Variants in NUP93 observed in about 807,000 individuals in gnomAD.
The protein encoded by NUP93 is nucleoporin 93.
Under a neutral mutation model 107.8 loss-of-function variants are expected in NUP93, and 55 were observed. That is an observed-to-expected ratio of 0.51 (90% confidence interval 0.41 to 0.64). The LOEUF is 0.64. Among genes scored for constraint, NUP93 ranks in the 30% least tolerant of loss-of-function variants. The pLI, the probability that NUP93 is intolerant of heterozygous loss-of-function variation, is 0.00. For synonymous variants in NUP93, 390 were observed against 397.5 expected, an observed-to-expected ratio of 0.98 and a Z score of 0.22; for missense variants, 937 against 1,044.7, an observed-to-expected ratio of 0.90 and a Z score of 1.42.
rs200075593 is a variant in NUP93 at position 56,832,249 on chromosome 16, C to T, written c.1252-46C>T. On this transcript the variant is annotated intron_variant, in intron 11 of 21. Coordinates refer to ENST00000308159, the MANE Select transcript of NUP93 (RefSeq NM_014669.5). ...CAGCTACAACTCTGTGCATGTGGCT[C>T]AGGGTGTCATTTGTACCAATGCATG... The T allele has an allele frequency of 3.9e-5, 59 of 1,497,110 alleles. No homozygotes were observed. The Admixed American group carries it at 9.5e-4, about 24-fold the overall frequency. The allele number at this position is 1,497,110 out of a possible 1,614,324, so 92.7% of individuals were successfully genotyped here. A position where few individuals can be genotyped will look rare whatever the true frequency, so the allele number is the denominator to read the frequency against.
At chr16:56,819,469 C>T (rs1487130284) in intron 6 of NUP93, among the ~76,000 whole-genome samples, 1 of 152,232 alleles carries the variant, frequency 6.6e-6, no homozygotes, top group Non-Finnish European at 1.5e-5. Context: ...TTAAGATTAT[C>T]CTCCACCAGC....
chr16:56,756,916 T>A (rs1380122046), intron 2 of NUP93, among the ~76,000 whole-genome samples: 4 of 152,226 alleles, frequency 2.6e-5, no homozygotes, highest in Admixed American at 2.0e-4. Flanking sequence ...TTTTTTCATA[T>A]GTTTGTTGGC....
intron 1 of NUP93, among the ~76,000 whole-genome samples, chr16:56,737,369 C>T (rs1459252657): frequency 1.3e-5 from 2 of 152,126 alleles, no homozygotes; most frequent in African/African-American, 4.8e-5. Context: ...AAGACCCCAC[C>T]CACGTCACCT....
At position 56,834,398 on chromosome 16, in the gene NUP93, A is replaced by T. The variant is rs1282662745; in HGVS notation, c.1693A>T (p.Met565Leu). 1 of 1,614,204 alleles carries T rather than the reference A, an allele frequency of 6.2e-7. No homozygotes were observed. Among genetic ancestry groups the T allele is most frequent in the East Asian group, 2.2e-5 (1 of 44,890 alleles). ...TGAGAAAGATAGTCAAGGAGAAAAC[A>T]TGTTTCTGCGCTGTGTGAGTGAGCT... Reference protein sequence around the residue: ...RDEKDSQGENMFLRCVSELVI... With the variant: ...RDEKDSQGENLFLRCVSELVI... The change falls in exon 15 of 22, where the codon ATG becomes TTG. Residue 565 changes from methionine to leucine, a missense_variant. Transcript: ENST00000308159.
intron 5 of NUP93, among the ~76,000 whole-genome samples, chr16:56,806,222 A>G (rs1379285892): frequency 6.6e-6 from 1 of 151,508 alleles, no homozygotes; most frequent in Non-Finnish European, 1.5e-5. Context: ...CAGACACCTC[A>G]GCCTCACTTT....
At chr16:56,804,039 C>T (rs1223493163) in intron 4 of NUP93, among the ~76,000 whole-genome samples, 2 of 152,088 alleles carry the variant, frequency 1.3e-5, no homozygotes, top group Non-Finnish European at 2.9e-5. Flanking sequence ...AGGGATGAGC[C>T]ACCACGTGTG....
chr16:56,731,003 A>T (rs563512246), intron 1 of NUP93, among the ~76,000 whole-genome samples: 22 of 152,142 alleles, frequency 1.4e-4, no homozygotes, highest in African/African-American at 5.3e-4. Context: ...TTTCCAGGGT[A>T]TGTGGGAGGG....
intron 2 of NUP93, among the ~76,000 whole-genome samples, chr16:56,749,711 C>T (rs1349328037): frequency 1.3e-5 from 2 of 152,126 alleles, no homozygotes; most frequent in East Asian, 1.9e-4. Flanking sequence ...GCTGCTCTGT[C>T]GAGTCAGTAA....
chr16:56,738,867 C>G (rs1961654749), intron 1 of NUP93, among the ~76,000 whole-genome samples: 1 of 150,916 alleles, frequency 6.6e-6, no homozygotes, highest in South Asian at 2.1e-4. Flanking sequence ...GAACACCATT[C>G]TTGTGTTTTA....
rs552203204 is a variant in NUP93, at chr16:56,738,197, C to T, written c.-15+7986C>T. Among the ~76,000 whole-genome samples the T allele has an allele frequency of 3.5e-4, 53 of 152,350 alleles. 1 individual carries two copies. In the South Asian group the frequency reaches 9.5e-3, roughly 27 times the overall value. ...CCTGAGCAACCCCCTCATCCAGAGA[C>T]GATCCAGCCCCAGGGTCAGAGGGCT... On this transcript the variant is annotated intron_variant, in intron 1 of 21. Coordinates refer to ENST00000308159, the MANE Select transcript of NUP93 (RefSeq NM_014669.5).
intron 3 of NUP93, among the ~76,000 whole-genome samples, chr16:56,773,883 T>G (rs1317707843): frequency 6.6e-6 from 1 of 152,248 alleles, no homozygotes; most frequent in African/African-American, 2.4e-5. Context: ...TTTAAGTGTT[T>G]GAGTCCATAA....
rs1964157003 is a variant in NUP93 at position 56,849,899 on chromosome 16, G to C, written c.*5290G>C. On this transcript the variant is annotated 3_prime_UTR_variant, in exon 22 of 22. Transcript: ENST00000308159. ...GCAGTTTTGAAGAGCTAGGCAGGCA[G>C]CTGAGCGGGATAATGTGGGCCCCAG... 6.6e-6 allele frequency: 1 copy of C among 152,216 alleles called. No homozygotes were observed. Among genetic ancestry groups the C allele is most frequent in the South Asian group, 2.1e-4 (1 of 4,832 alleles). 9.4% of individuals were successfully genotyped at this position (152,216 alleles called of 1,614,324 possible).
Position 56,844,646 on chromosome 16 carries a change from T to C in NUP93, c.*37T>C. On this transcript the variant is annotated 3_prime_UTR_variant, in exon 22 of 22. Coordinates refer to ENST00000308159, the MANE Select transcript of NUP93 (RefSeq NM_014669.5). ...TGTGGGAGTCTGGGTCGGCACACTGTCAGTACATCAGGCACATGGGCCCAC... is the reference window on the plus strand; with the variant it reads ...TGTGGGAGTCTGGGTCGGCACACTGCCAGTACATCAGGCACATGGGCCCAC... 7.2e-7 allele frequency: 1 copy of C among 1,389,232 alleles called. No homozygotes were observed. The highest frequency in any genetic ancestry group is 1.0e-6 in the Non-Finnish European group (1 of 1,001,162). 86.1% of individuals were successfully genotyped at this position (1,389,232 alleles called of 1,614,324 possible).
At chr16:56,833,105 C>T in intron 12 of NUP93, 110 bp from the exon 13 acceptor site, 1 of 878,174 alleles carries the variant, frequency 1.1e-6, no homozygotes, top group African/African-American at 1.7e-5. Flanking sequence ...GTGCTTTCTT[C>T]CTGTCCAGCA....
intron 2 of NUP93, among the ~76,000 whole-genome samples, chr16:56,754,249 T>G (rs1464468408): frequency 6.6e-6 from 1 of 152,082 alleles, no homozygotes; most frequent in Non-Finnish European, 1.5e-5. Flanking sequence ...GGGTGCCCCC[T>G]CCAATGTTGA....
At chr16:56,776,002 A>T (rs1477217195) in intron 3 of NUP93, among the ~76,000 whole-genome samples, 6 of 144,584 alleles carry the variant, frequency 4.1e-5, no homozygotes, top group Non-Finnish European at 6.1e-5. Context: ...TATTTTATAT[A>T]TTTTTTTTTT....
intron 3 of NUP93, chr16:56,783,386 C>A: frequency 1.4e-6 from 1 of 718,172 alleles, no homozygotes; most frequent in Non-Finnish European, 1.7e-6. Context: ...GAGAATTCGG[C>A]TCCTCTTGGC....
intron 1 of NUP93, among the ~76,000 whole-genome samples, chr16:56,741,448 C>T (rs1961738134): frequency 6.6e-6 from 1 of 152,166 alleles, no homozygotes. Flanking sequence ...AGTTTATCTG[C>T]TAGTAAATGA....
chr16:56,829,261 A>C, intron 9 of NUP93, 152 bp downstream of exon 9: 1 of 931,418 alleles, frequency 1.1e-6, no homozygotes, highest in Non-Finnish European at 1.6e-6. Context: ...ACCTCTTAGG[A>C]GGCTGATAGT....
Sources: gnomAD v4.1 joint callset for allele counts (sites outside exome capture counted in the v4.1 genomes callset) on GRCh38, gnomAD v4.1.1 for gene constraint, MANE v1.5 for transcripts, NCBI Gene and HGNC (gene_info 2026-07-23, HGNC 2026-07-21) for gene names.